HORMAD2: variants seen among roughly 807,000 people sequenced by gnomAD.
HORMAD2 encodes the protein HORMA domain containing 2, also known as HORMA domain-containing protein 2.
In HORMAD2, 45 loss-of-function variants were observed where a neutral mutation model predicts 38.8. The observed-to-expected ratio is 1.16, with a 90% CI of 0.91 to 1.49. The LOEUF is 1.49. HORMAD2 is among the 40% of genes most tolerant of loss of function. The probability of loss-of-function intolerance (pLI) is 0.00; values close to 1 mark genes in which losing one functional copy is unlikely to be tolerated. For missense variants in HORMAD2, 338 were observed against 367.0 expected (o/e 0.92, Z 0.65); for synonymous variants, 126 against 122.8 (o/e 1.03, Z -0.17).
At chr22:30,133,711 G>C (rs1230271491) in intron 10 of HORMAD2, among the ~76,000 whole-genome samples, 1 of 151,584 alleles carries the variant, frequency 6.6e-6, no homozygotes, top group Non-Finnish European at 1.5e-5. Context: ...GTCCCCCATG[G>C]TTCCCTAAAC....
At position 30,094,968 on chromosome 22, in the gene HORMAD2, T is replaced by A. The variant is rs118035636; in HGVS notation, c.51+965T>A. Among the ~76,000 whole-genome samples the A allele has an allele frequency of 8.2e-4, 125 of 152,238 alleles. 1 individual carries two copies. In the East Asian group the frequency reaches 0.023, roughly 28 times the overall value. On this transcript the variant is annotated intron_variant, in intron 2 of 10. Coordinates refer to ENST00000336726, the MANE Select transcript of HORMAD2 (RefSeq NM_152510.4). ...GGATCTAGTATAAAAATGAGACCCT[T>A]AATTTTGGGGATCTGTTTATACCTT...
At chr22:30,141,386 G>T (rs578020771) in intron 10 of HORMAD2, among the ~76,000 whole-genome samples, 2 of 152,056 alleles carry the variant, frequency 1.3e-5, no homozygotes, top group African/African-American at 4.8e-5. Flanking sequence ...TATTTCCATA[G>T]GTTATCAGGG....
At chr22:30,160,591 G>A (rs1925382766) in intron 10 of HORMAD2, among the ~76,000 whole-genome samples, 1 of 152,142 alleles carries the variant, frequency 6.6e-6, no homozygotes, top group Non-Finnish European at 1.5e-5. Flanking sequence ...AACAGTGATT[G>A]TCTTTTAGAA....
chr22:30,104,426 GA>G lies in HORMAD2; in HGVS notation c.287del (p.Lys96ArgfsTer9). ...RWIQGCFDAL[E>X]KRYLRMAVLT... ...GATTCAAGGTTGTTTTGATGCTTTGGAAAAGAGATACGTAAGAATGTTTTTA... is the reference window on the plus strand; with the variant it reads ...GATTCAAGGTTGTTTTGATGCTTTGGAAAGAGATACGTAAGAATGTTTTTA... On this transcript the variant is annotated frameshift_variant, in exon 5 of 11. Coordinates refer to ENST00000336726, the MANE Select transcript of HORMAD2 (RefSeq NM_152510.4). LOFTEE classifies it high-confidence loss of function. 4.3e-6 allele frequency: 7 copies of G among 1,609,808 alleles called. No homozygotes were observed. The highest frequency in any genetic ancestry group is 5.9e-6 in the Non-Finnish European group (7 of 1,177,382).
intron 6 of HORMAD2, 72 bp from the exon 7 acceptor site, chr22:30,112,423 TA>T: frequency 8.2e-6 from 6 of 729,732 alleles, no homozygotes; most frequent in East Asian, 6.0e-5. Context: ...GAACTCTATA[TA>T]AAAAAGGTAT....
In HORMAD2 at chr22:30,167,394, T is replaced by A. The variant is rs181249146; in HGVS notation, c.820-8669T>A. On this transcript the variant is annotated intron_variant, in intron 10 of 10. Coordinates refer to ENST00000336726, the MANE Select transcript of HORMAD2 (RefSeq NM_152510.4). ...GACATGAACATCTTTGGGGGCTCAT[T>A]TTTTAGTGTACCACAAATATCCAAT... Among the ~76,000 whole-genome samples the A allele has an allele frequency of 3.8e-3, 576 of 152,310 alleles. 4 individuals are homozygous for A. The highest frequency in any genetic ancestry group is 0.013 in the African/African-American group (546 of 41,560).
intron 5 of HORMAD2, among the ~76,000 whole-genome samples, chr22:30,109,870 C>A (rs773405745): frequency 6.6e-6 from 1 of 152,030 alleles, no homozygotes; most frequent in South Asian, 2.1e-4. Flanking sequence ...TACCTTTTGC[C>A]TCCAGAACTA....
intron 7 of HORMAD2, among the ~76,000 whole-genome samples, chr22:30,118,776 A>T (rs1922227822): frequency 6.6e-6 from 1 of 152,072 alleles, no homozygotes; most frequent in South Asian, 2.1e-4. Context: ...CTTTCATCTA[A>T]TTTATTTTTA....
chr22:30,111,915 C>CTTT, intron 6 of HORMAD2, 99 bp downstream of exon 6: 2 of 664,886 alleles, frequency 3.0e-6, no homozygotes, highest in South Asian at 4.7e-5. Flanking sequence ...TCCTCCCTGA[C>CTTT]TTTTTTTTTT....
At chr22:30,150,004 T>A (rs1056139023) in intron 10 of HORMAD2, among the ~76,000 whole-genome samples, 25 of 152,190 alleles carry the variant, frequency 1.6e-4, no homozygotes, top group Non-Finnish European at 3.1e-4. Context: ...TCCCTTGATG[T>A]AGGTCTATTT....
At chr22:30,104,465 A>G in intron 5 of HORMAD2, 28 bp downstream of exon 5, 1 of 1,562,014 alleles carries the variant, frequency 6.4e-7, no homozygotes. Flanking sequence ...CTTACACTGG[A>G]ATCAAAGGCT....
At chr22:30,179,285 C>T (rs1041720911), downstream of HORMAD2, among the ~76,000 whole-genome samples, 7 of 152,092 alleles carry the variant, frequency 4.6e-5, no homozygotes, top group Non-Finnish European at 8.8e-5. Context: ...TCAAGGTCTG[C>T]TACAATGTAG....
intron 2 of HORMAD2, among the ~76,000 whole-genome samples, chr22:30,096,712 G>A (rs1024469807): frequency 2.6e-5 from 4 of 151,860 alleles, no homozygotes; most frequent in Non-Finnish European, 2.9e-5. Context: ...CAAGTGATCC[G>A]CCCACCCCAG....
chr22:30,114,252 A>G (rs1403213279), intron 7 of HORMAD2, among the ~76,000 whole-genome samples: 2 of 152,168 alleles, frequency 1.3e-5, no homozygotes, highest in Non-Finnish European at 2.9e-5. Flanking sequence ...TGTTCCCCTT[A>G]TGGGTAGATA....
chr22:30,159,843 A>G (rs1267605090), intron 10 of HORMAD2, among the ~76,000 whole-genome samples: 1 of 151,840 alleles, frequency 6.6e-6, no homozygotes, highest in Non-Finnish European at 1.5e-5. Context: ...CAAGGTCCTT[A>G]GTTTTTTCCT....
intron 1 of HORMAD2, chr22:30,081,326 G>A (rs2068470258): frequency 6.6e-6 from 1 of 152,158 alleles, no homozygotes; most frequent in African/African-American, 2.4e-5. Context: ...TTGCCTCGTA[G>A]ATGTTGAATG....
At chr22:30,194,825 T>G in the HORMAD2 span, among the ~76,000 whole-genome samples, 1 of 152,100 alleles carries the variant, frequency 6.6e-6, no homozygotes, top group Admixed American at 6.5e-5. Context: ...CACAGGGTGG[T>G]AAAAGTCCTG....
intron 10 of HORMAD2, among the ~76,000 whole-genome samples, chr22:30,155,738 A>G (rs949560393): frequency 2.0e-5 from 3 of 152,144 alleles, no homozygotes; most frequent in African/African-American, 7.2e-5. Flanking sequence ...TGCCAATCCA[A>G]TGCTGTAGAA....
chr22:30,155,922 G>C (rs771004328), intron 10 of HORMAD2, among the ~76,000 whole-genome samples: 42 of 151,970 alleles, frequency 2.8e-4, no homozygotes, highest in Non-Finnish European at 4.4e-4. Context: ...ACACCTCTAG[G>C]ACTCTTGACT....
Sources: allele counts gnomAD v4.1 joint callset (sites outside exome capture counted in the v4.1 genomes callset), GRCh38; gene constraint gnomAD v4.1.1; transcripts MANE v1.5; gene names NCBI Gene and HGNC (gene_info 2026-07-23, HGNC 2026-07-21).